The following ZNF277 variants were observed in gnomAD, a reference collection of about 807,000 sequenced individuals.
The protein encoded by ZNF277 is nuclear receptor-interacting factor 4.
In ZNF277, 55 loss-of-function variants were observed where a neutral mutation model predicts 60.7. The ratio of observed to expected loss-of-function variants is 0.91; its 90% confidence interval spans 0.73 to 1.13. ZNF277 has a LOEUF of 1.13. Among genes scored for constraint, ZNF277 ranks in the 50% most tolerant of loss-of-function variants. The probability of loss-of-function intolerance (pLI) is 0.00; values close to 1 mark genes in which losing one functional copy is unlikely to be tolerated. For missense variants in ZNF277, 510 were observed against 523.0 expected (o/e 0.98, Z 0.24); for synonymous variants, 178 against 179.3 (o/e 0.99, Z 0.06).
chr7:112,216,572 G>A (rs1821889734), intron 1 of ZNF277, among the ~76,000 whole-genome samples: 1 of 152,150 alleles, frequency 6.6e-6, no homozygotes, highest in South Asian at 2.1e-4. Flanking sequence ...GCCTCATAAA[G>A]CGCTAGGATT....
intron 4 of ZNF277, among the ~76,000 whole-genome samples, chr7:112,299,258 T>A (rs1792421195): frequency 6.6e-6 from 1 of 152,194 alleles, no homozygotes; most frequent in South Asian, 2.1e-4. Flanking sequence ...GAAAGAACTT[T>A]ACAAATCAGT....
intron 4 of ZNF277, among the ~76,000 whole-genome samples, chr7:112,299,713 T>G (rs17159440): frequency 0.059 from 8,985 of 152,276 alleles, 704 homozygotes; most frequent in African/African-American, 0.18. Flanking sequence ...GTATAATGTA[T>G]TCAGTGTTTG....
At chr7:112,250,413 A>G (rs1001894368) in intron 1 of ZNF277, among the ~76,000 whole-genome samples, 18 of 152,092 alleles carry the variant, frequency 1.2e-4, no homozygotes, top group Admixed American at 4.6e-4. Flanking sequence ...GCCTTGTGAT[A>G]TTCTATTACC....
intron 1 of ZNF277, among the ~76,000 whole-genome samples, chr7:112,214,611 G>T (rs531193000): frequency 3.9e-5 from 6 of 152,234 alleles, no homozygotes; most frequent in African/African-American, 1.4e-4. Flanking sequence ...ATAGGCAGCT[G>T]GGGTTGAATG....
At chr7:112,332,540 C>G (rs1312959195) in intron 7 of ZNF277, among the ~76,000 whole-genome samples, 1 of 152,078 alleles carries the variant, frequency 6.6e-6, no homozygotes. Flanking sequence ...CCCACCCTTG[C>G]CTATTCTCTT....
At chr7:112,288,951 T>TAAAAAAAA (rs759044500) in intron 2 of ZNF277, 39 of 70,382 alleles carry the variant, frequency 5.5e-4, no homozygotes, top group Non-Finnish European at 7.4e-4. Flanking sequence ...CTGCCTTTCT[T>TAAAAAAAA]AAAAAAAAAA....
intron 1 of ZNF277, among the ~76,000 whole-genome samples, chr7:112,269,179 A>G (rs1040458615): frequency 6.7e-6 from 1 of 149,130 alleles, no homozygotes; most frequent in African/African-American, 2.5e-5. Context: ...GCGTTATCAA[A>G]TTAAATTTTA....
intron 2 of ZNF277, among the ~76,000 whole-genome samples, chr7:112,292,256 A>G (rs1160331860): frequency 2.0e-5 from 3 of 152,284 alleles, no homozygotes; most frequent in Middle Eastern, 3.4e-3. Context: ...CCCACTGACT[A>G]TTGGAATCAG....
At chr7:112,228,871 C>CT (rs1247424998) in intron 1 of ZNF277, among the ~76,000 whole-genome samples, 1 of 152,052 alleles carries the variant, frequency 6.6e-6, no homozygotes, top group African/African-American at 2.4e-5. Context: ...ATTGTGTGAC[C>CT]TTAGATAAAT....
chr7:112,319,602 G>C (rs553935433), intron 5 of ZNF277, among the ~76,000 whole-genome samples: 1 of 149,220 alleles, frequency 6.7e-6, no homozygotes, highest in Admixed American at 6.7e-5. Flanking sequence ...AAAAACCTTG[G>C]AAAGGAGAAG....
In ZNF277 at chr7:112,310,562, C is replaced by G. The variant is rs532452974; in HGVS notation, c.466-7620C>G. ...TTTCTTTCTTCTTTTACTCCCATTTCTATGCTACATTGTTCTGTAGCAGCT... is the reference window on the plus strand; with the variant it reads ...TTTCTTTCTTCTTTTACTCCCATTTGTATGCTACATTGTTCTGTAGCAGCT... On this transcript the variant is annotated intron_variant, in intron 4 of 11. Transcript: ENST00000361822. Among the ~76,000 whole-genome samples, 215 of 151,874 alleles carry G rather than the reference C, an allele frequency of 1.4e-3. 1 individual carries two copies. Among genetic ancestry groups the G allele is most frequent in the Non-Finnish European group, 2.7e-3 (182 of 67,942 alleles).
At chr7:112,296,355 T>G (rs1792330081) in intron 4 of ZNF277, 44 bp downstream of exon 4, 1 of 926,110 alleles carries the variant, frequency 1.1e-6, no homozygotes, top group African/African-American at 1.7e-5. Flanking sequence ...TGAAAATACA[T>G]ATAAATACAT....
intron 4 of ZNF277, among the ~76,000 whole-genome samples, chr7:112,299,185 G>A (rs772158806): frequency 2.6e-5 from 4 of 152,168 alleles, no homozygotes. Context: ...GAAGCATGAG[G>A]TTAGTGTGGG....
Position 112,208,674 on chromosome 7 carries a change from A to ATTTTTTT in ZNF277, c.91+1885_91+1891dup, listed in dbSNP as rs869082099. On this transcript the variant is annotated intron_variant, in intron 1 of 11. Coordinates refer to ENST00000361822, the MANE Select transcript of ZNF277 (RefSeq NM_021994.3). Reference sequence around the variant, plus strand: ...ATATGACACACGTCTGTATGATTTGATTTTTTTTTTTTTTTTTTTTTTTTG... The same window carrying ATTTTTTT: ...ATATGACACACGTCTGTATGATTTGATTTTTTTTTTTTTTTTTTTTTTTTTTTTTTTG... 6.7e-3 allele frequency among the ~76,000 whole-genome samples: 491 copies of ATTTTTTT among 72,818 alleles called. 49 individuals carry two copies. Among genetic ancestry groups the ATTTTTTT allele is most frequent in the Middle Eastern group, 0.022 (1 of 46 alleles). The allele number at this position is 72,818 out of a possible 152,430, so 47.8% of individuals were successfully genotyped here.
chr7:112,332,127 A>G (rs1383647182), intron 7 of ZNF277, among the ~76,000 whole-genome samples: 3 of 152,212 alleles, frequency 2.0e-5, no homozygotes, highest in Admixed American at 1.3e-4. Context: ...GGCGTGGACT[A>G]CACATTAAGA....
chr7:112,290,380 A>G (rs945710189), intron 2 of ZNF277, among the ~76,000 whole-genome samples: 1 of 152,124 alleles, frequency 6.6e-6, no homozygotes, highest in Non-Finnish European at 1.5e-5. Context: ...CATTATCCTA[A>G]TATGCATACG....
chr7:112,323,612 A>T (rs898457641), intron 5 of ZNF277, among the ~76,000 whole-genome samples: 36 of 152,214 alleles, frequency 2.4e-4, no homozygotes, highest in African/African-American at 8.0e-4. Context: ...GCAAATTAAA[A>T]CATCACAAAG....
At chr7:112,273,600 A>G (rs923911362) in intron 1 of ZNF277, among the ~76,000 whole-genome samples, 5 of 152,212 alleles carry the variant, frequency 3.3e-5, no homozygotes, top group Non-Finnish European at 5.9e-5. Flanking sequence ...TGTTCCTGCC[A>G]GGAAGATTAC....
chr7:112,242,557 C>CAA (rs34058145), intron 1 of ZNF277, among the ~76,000 whole-genome samples: 11 of 99,488 alleles, frequency 1.1e-4, no homozygotes, highest in African/African-American at 2.0e-4. Flanking sequence ...TAATAGCTAC[C>CAA]AAAAAAAAAA....
Sources: allele counts gnomAD v4.1 joint callset (sites outside exome capture counted in the v4.1 genomes callset), GRCh38; gene constraint gnomAD v4.1.1; transcripts MANE v1.5; gene names NCBI Gene and HGNC (gene_info 2026-07-23, HGNC 2026-07-21).